The following ROBO1 variants were observed in gnomAD, a reference collection of about 807,000 sequenced individuals.
ROBO1 encodes the protein roundabout homolog 1.
Under a neutral mutation model 195.9 loss-of-function variants are expected in ROBO1, and 149 were observed. The ratio of observed to expected loss-of-function variants is 0.76; its 90% confidence interval spans 0.67 to 0.87. The LOEUF is 0.87. Ranked by LOEUF, ROBO1 falls within the 40% of genes least tolerant of loss-of-function variation. The probability of loss-of-function intolerance (pLI) is 0.00; values close to 1 mark genes in which losing one functional copy is unlikely to be tolerated. For synonymous variants in ROBO1, 816 were observed against 733.2 expected (o/e 1.11, Z -1.82); for missense variants, 1,933 against 2,068.3 (o/e 0.93, Z 1.27).
At chr3:78,656,432 G>A (rs1246980347) in intron 18 of ROBO1, among the ~76,000 whole-genome samples, 7 of 144,850 alleles carry the variant, frequency 4.8e-5, no homozygotes, top group African/African-American at 1.8e-4. Flanking sequence ...CTCACTGCAA[G>A]CTCCGCCTCC....
intron 2 of ROBO1, among the ~76,000 whole-genome samples, chr3:79,449,754 T>C (rs1156786607): frequency 6.6e-6 from 1 of 152,188 alleles, no homozygotes; most frequent in East Asian, 1.9e-4. Flanking sequence ...CTATAAGCTA[T>C]GGTTTTAAAA....
intron 1 of ROBO1, among the ~76,000 whole-genome samples, chr3:79,625,923 C>T (rs1403794110): frequency 6.6e-6 from 1 of 152,100 alleles, no homozygotes; most frequent in Admixed American, 6.6e-5. Flanking sequence ...GACTTCAGGC[C>T]AATATCCTGA....
intron 4 of ROBO1, among the ~76,000 whole-genome samples, chr3:78,910,630 G>A (rs1576384576): frequency 6.6e-6 from 1 of 151,872 alleles, no homozygotes; most frequent in Non-Finnish European, 1.5e-5. Flanking sequence ...AGAGAGAAAC[G>A]GCAAATGACG....
At chr3:79,359,679 G>C (rs2109299733) in intron 2 of ROBO1, among the ~76,000 whole-genome samples, 1 of 152,078 alleles carries the variant, frequency 6.6e-6, no homozygotes, top group African/African-American at 2.4e-5. Context: ...CAGTCATTCA[G>C]CATATAATCT....
chr3:78,939,954 T>C (rs948848878), intron 3 of ROBO1, among the ~76,000 whole-genome samples: 3 of 152,126 alleles, frequency 2.0e-5, no homozygotes, highest in Non-Finnish European at 4.4e-5. Flanking sequence ...TTTCTGTGTC[T>C]GTACCTTATT....
chr3:78,744,135 A>T (rs1383043947), intron 5 of ROBO1, among the ~76,000 whole-genome samples: 1 of 152,188 alleles, frequency 6.6e-6, no homozygotes, highest in African/African-American at 2.4e-5. Context: ...ATCTTCCCCT[A>T]TAATCTATGG....
chr3:78,908,818 G>C (rs2038078580), intron 4 of ROBO1, among the ~76,000 whole-genome samples: 1 of 151,820 alleles, frequency 6.6e-6, no homozygotes, highest in South Asian at 2.1e-4. Flanking sequence ...CTTTCTAATA[G>C]TTTAGTCTTT....
chr3:79,348,389 T>A (rs1376220657), intron 2 of ROBO1, among the ~76,000 whole-genome samples: 1 of 152,112 alleles, frequency 6.6e-6, no homozygotes, highest in Non-Finnish European at 1.5e-5. Flanking sequence ...AATGCATGCA[T>A]TTGTTTAGCT....
chr3:79,617,405 C>A (rs913148550), intron 1 of ROBO1, among the ~76,000 whole-genome samples: 1 of 151,986 alleles, frequency 6.6e-6, no homozygotes. Context: ...GTTCATATGC[C>A]CAATACATTG....
At chr3:79,169,501 A>T (rs1169043730) in intron 2 of ROBO1, among the ~76,000 whole-genome samples, 2 of 152,166 alleles carry the variant, frequency 1.3e-5, no homozygotes, top group Admixed American at 6.5e-5. Context: ...AAGAATTTTC[A>T]AATGAAATCC....
chr3:79,708,564 G>T (rs898068767), intron 1 of ROBO1, among the ~76,000 whole-genome samples: 3 of 152,072 alleles, frequency 2.0e-5, no homozygotes, highest in Non-Finnish European at 4.4e-5. Context: ...CAAGTACTTT[G>T]TTCAAGAAAC....
chr3:79,472,122 G>C (rs1258282919), intron 2 of ROBO1, among the ~76,000 whole-genome samples: 1 of 152,026 alleles, frequency 6.6e-6, no homozygotes, highest in African/African-American at 2.4e-5. Flanking sequence ...TATCCAGGAA[G>C]AAACACTGAG....
chr3:79,649,764 C>T (rs1210474280), intron 1 of ROBO1, among the ~76,000 whole-genome samples: 1 of 151,958 alleles, frequency 6.6e-6, no homozygotes, highest in East Asian at 1.9e-4. Context: ...ATAATCTACC[C>T]TTAATGAACA....
At chr3:78,860,326 A>ATATATATATATATATATATATATATT (rs376853384) in intron 4 of ROBO1, among the ~76,000 whole-genome samples, 2 of 93,506 alleles carry the variant, frequency 2.1e-5, no homozygotes, top group African/African-American at 9.0e-5. Flanking sequence ...ATATATATAT[A>ATATATATATATATATATATATATATT]TTTTTTTTTT....
intron 2 of ROBO1, among the ~76,000 whole-genome samples, chr3:79,300,495 C>T (rs927150927): frequency 2.6e-5 from 4 of 152,212 alleles, no homozygotes; most frequent in Non-Finnish European, 4.4e-5. Flanking sequence ...CATGCCTGAG[C>T]CTCCCACCCC....
intron 4 of ROBO1, among the ~76,000 whole-genome samples, chr3:78,905,479 C>T (rs1449626354): frequency 9.2e-5 from 14 of 151,892 alleles, no homozygotes; most frequent in Admixed American, 3.9e-4. Flanking sequence ...ATTAGCCAGA[C>T]GTGGTAGTAT....
intron 2 of ROBO1, among the ~76,000 whole-genome samples, chr3:79,576,750 A>G (rs974481971): frequency 1.3e-5 from 2 of 152,196 alleles, no homozygotes; most frequent in Non-Finnish European, 2.9e-5. Flanking sequence ...TCTTCAAAAG[A>G]GACAGCTGGG....
At chr3:78,700,286 G>A (rs67137735) in intron 8 of ROBO1, among the ~76,000 whole-genome samples, 38,578 of 152,072 alleles carry the variant, frequency 0.25, 5,065 homozygotes, top group African/African-American at 0.32. Flanking sequence ...AATAAGCTCT[G>A]TGAAGATGGG....
rs1227554977 is a variant in ROBO1, at chr3:78,987,114, GA to G, written c.173-48188del. Among the ~76,000 whole-genome samples, 331 of 105,768 alleles carry G rather than the reference GA, an allele frequency of 3.1e-3. 2 individuals carry two copies. The highest frequency in any genetic ancestry group is 9.8e-3 in the African/African-American group (271 of 27,714). The allele number at this position is 105,768 out of a possible 152,430, so 69.4% of individuals were successfully genotyped here. On this transcript the variant is annotated intron_variant, in intron 3 of 30. Transcript: ENST00000464233. ...ACGAAGTACTCTAAGTTTCTGGAAG[GA>G]AAAAAAAAAACTGCTTTTTTTTTTT...
Sources: allele counts gnomAD v4.1 joint callset (sites outside exome capture counted in the v4.1 genomes callset), GRCh38; gene constraint gnomAD v4.1.1; transcripts MANE v1.5; gene names NCBI Gene and HGNC (gene_info 2026-07-23, HGNC 2026-07-21).